The following ERC2 variants were observed in gnomAD, a reference collection of about 807,000 sequenced individuals.
ERC2 encodes the protein ELKS/RAB6-interacting/CAST family member 2.
ERC2 carries 42 observed loss-of-function variants against 114.8 expected under a neutral mutation model. The observed-to-expected ratio is 0.37, with a 90% CI of 0.29 to 0.47. The LOEUF is 0.47. ERC2 is among the 20% of genes least tolerant of loss of function. The probability of loss-of-function intolerance (pLI) is 0.99; values close to 1 mark genes in which losing one functional copy is unlikely to be tolerated. For missense variants in ERC2, 939 were observed against 1,150.7 expected (o/e 0.82, Z 2.66); for synonymous variants, 454 against 425.5 (o/e 1.07, Z -0.82).
chr3:56,078,958 A>T (rs73091052), intron 7 of ERC2, among the ~76,000 whole-genome samples: 30,218 of 151,748 alleles, frequency 0.2, 3,399 homozygotes, highest in African/African-American at 0.3. Context: ...GAGAGAAGAC[A>T]GAGGGCAGGA....
chr3:55,760,561 G>T (rs1212360235), intron 14 of ERC2, among the ~76,000 whole-genome samples: 1 of 152,158 alleles, frequency 6.6e-6, no homozygotes, highest in Non-Finnish European at 1.5e-5. Context: ...AAAGATGGCT[G>T]AACTATAATG....
chr3:56,064,688 T>C (rs892951724), intron 7 of ERC2, among the ~76,000 whole-genome samples: 1 of 152,174 alleles, frequency 6.6e-6, no homozygotes, highest in Admixed American at 6.5e-5. Context: ...TTAACTCTAT[T>C]AAATATTTAG....
intron 7 of ERC2, among the ~76,000 whole-genome samples, chr3:56,035,057 C>T (rs1576647143): frequency 6.6e-6 from 1 of 151,708 alleles, no homozygotes; most frequent in Non-Finnish European, 1.5e-5. Context: ...AAAAGATAAA[C>T]AAAATTGACA....
At chr3:55,752,138 T>C (rs1168415181) in intron 14 of ERC2, among the ~76,000 whole-genome samples, 3 of 152,130 alleles carry the variant, frequency 2.0e-5, no homozygotes, top group Non-Finnish European at 4.4e-5. Flanking sequence ...GAAAATCTGT[T>C]AGCCCCACCT....
intron 17 of ERC2, among the ~76,000 whole-genome samples, chr3:55,529,301 G>A (rs2053526721): frequency 6.6e-6 from 1 of 152,192 alleles, no homozygotes; most frequent in Non-Finnish European, 1.5e-5. Context: ...CTATGAATGT[G>A]AGTCAATTTT....
intron 17 of ERC2, among the ~76,000 whole-genome samples, chr3:55,608,828 C>T (rs1299753434): frequency 6.6e-6 from 1 of 152,194 alleles, no homozygotes; most frequent in Non-Finnish European, 1.5e-5. Flanking sequence ...GGATTTCCCA[C>T]ACTGACCTGA....
chr3:55,927,254 C>T (rs1576229578), intron 13 of ERC2, among the ~76,000 whole-genome samples: 1 of 152,174 alleles, frequency 6.6e-6, no homozygotes, highest in East Asian at 1.9e-4. Context: ...CATAAAGAGA[C>T]TGATCATGAA....
intron 6 of ERC2, among the ~76,000 whole-genome samples, chr3:56,088,706 T>C (rs952793551): frequency 2.6e-5 from 4 of 152,170 alleles, no homozygotes; most frequent in Non-Finnish European, 5.9e-5. Flanking sequence ...AACTAACTCA[T>C]AACAATGGCC....
chr3:55,639,036 G>T (rs1040881090), intron 17 of ERC2, among the ~76,000 whole-genome samples: 6 of 152,158 alleles, frequency 3.9e-5, no homozygotes, highest in Admixed American at 2.6e-4. Context: ...TATAGAAATG[G>T]CTTCAAAACC....
intron 17 of ERC2, among the ~76,000 whole-genome samples, chr3:55,512,954 G>T (rs1361859288): frequency 2.6e-5 from 4 of 152,162 alleles, no homozygotes; most frequent in Non-Finnish European, 4.4e-5. Context: ...CTTCTGGGGG[G>T]GCAAAGAAGC....
At chr3:56,425,435 A>G (rs1229832785) in intron 2 of ERC2, among the ~76,000 whole-genome samples, 2 of 152,214 alleles carry the variant, frequency 1.3e-5, no homozygotes, top group East Asian at 3.8e-4. Flanking sequence ...CCAGAGATGA[A>G]GCAATGGTGA....
At chr3:56,122,748 T>C (rs1391270619) in intron 6 of ERC2, among the ~76,000 whole-genome samples, 2 of 152,128 alleles carry the variant, frequency 1.3e-5, no homozygotes, top group East Asian at 3.9e-4. Flanking sequence ...AACGGGTAGC[T>C]CAGGAAAAAT....
chr3:55,851,558 A>G (rs1301267068), intron 14 of ERC2, among the ~76,000 whole-genome samples: 1 of 152,180 alleles, frequency 6.6e-6, no homozygotes, highest in Non-Finnish European at 1.5e-5. Flanking sequence ...TCCCATTATC[A>G]TTATGTGAGG....
intron 12 of ERC2, among the ~76,000 whole-genome samples, chr3:55,976,642 T>C (rs942223957): frequency 3.9e-5 from 6 of 152,076 alleles, no homozygotes; most frequent in African/African-American, 1.4e-4. Flanking sequence ...TATTTTCTAG[T>C]GGGAAACTAC....
intron 6 of ERC2, among the ~76,000 whole-genome samples, chr3:56,102,432 A>G (rs748742590): frequency 1.2e-4 from 19 of 152,184 alleles, no homozygotes; most frequent in Non-Finnish European, 2.5e-4. Flanking sequence ...CCAAAAACAA[A>G]GAACACGGGG....
intron 2 of ERC2, among the ~76,000 whole-genome samples, chr3:56,400,857 A>G (rs1253870878): frequency 6.6e-6 from 1 of 152,192 alleles, no homozygotes; most frequent in South Asian, 2.1e-4. Context: ...TAAGAAATCT[A>G]TGTTCCAAAC....
Position 55,533,323 on chromosome 3 carries a change from C to T in ERC2, c.*40-22047G>A, listed in dbSNP as rs139561542. ...AGAAGAACATGACTAACCATTCTAA[C>T]CAGGGCTCATGACCGTTCAAAGGTT... On this transcript the variant is annotated intron_variant, in intron 17 of 17. Coordinates refer to ENST00000288221, the MANE Select transcript of ERC2 (RefSeq NM_015576.3). Among the ~76,000 whole-genome samples the T allele has an allele frequency of 8.6e-3, 1,310 of 152,282 alleles. 17 individuals are homozygous for T. The highest frequency in any genetic ancestry group is 0.014 in the Non-Finnish European group (952 of 68,028).
intron 14 of ERC2, among the ~76,000 whole-genome samples, chr3:55,737,751 ATG>A (rs2065727699): frequency 6.6e-6 from 1 of 152,172 alleles, no homozygotes; most frequent in South Asian, 2.1e-4. Flanking sequence ...TGAGTCTCTC[ATG>A]TTTCTGTACA....
chr3:55,904,143 C>T (rs556761726), intron 13 of ERC2, among the ~76,000 whole-genome samples: 1 of 152,252 alleles, frequency 6.6e-6, no homozygotes, highest in South Asian at 2.1e-4. Context: ...AAATTAAGTG[C>T]CAGTGCAAGT....
Sources: allele counts gnomAD v4.1 joint callset (sites outside exome capture counted in the v4.1 genomes callset), GRCh38; gene constraint gnomAD v4.1.1; transcripts MANE v1.5; gene names NCBI Gene and HGNC (gene_info 2026-07-23, HGNC 2026-07-21).